Variants in GHR observed in about 807,000 individuals in gnomAD.
GHR encodes growth hormone receptor.
GHR carries 35 observed loss-of-function variants against 67.1 expected under a neutral mutation model. The ratio of observed to expected loss-of-function variants is 0.52; its 90% CI spans 0.40 to 0.69. GHR has a LOEUF of 0.69. GHR is among the 30% of genes least tolerant of loss of function. GHR has a pLI of 0.00. For missense variants in GHR, 792 were observed against 764.6 expected (o/e 1.04, Z -0.42); for synonymous variants, 272 against 269.1 (o/e 1.01, Z -0.10).
At position 42,478,424 on chromosome 5, in the gene GHR, G is replaced by T. The variant is rs1288492448; in HGVS notation, c.-12+54469G>T. Among the ~76,000 whole-genome samples the T allele has an allele frequency of 2.0e-5, 3 of 152,218 alleles. No homozygotes were observed. In the East Asian group the frequency reaches 5.8e-4, roughly 29 times the overall value. The stretch of plus-strand genomic sequence containing the variant: ...AGTTTTTTCCAATTCTGTGAAGAAA[G>T]TCATTGGTAGCTTGATGGGGATGGC... On this transcript the variant is annotated intron_variant, in intron 1 of 9. Transcript: ENST00000230882.
At chr5:42,507,800 C>T (rs1408950303) in intron 1 of GHR, among the ~76,000 whole-genome samples, 1 of 152,172 alleles carries the variant, frequency 6.6e-6, no homozygotes, top group Non-Finnish European at 1.5e-5. Flanking sequence ...TCTGGAGAGA[C>T]ATAGGCTAGG....
chr5:42,604,465 T>C (rs888705223), intron 2 of GHR, among the ~76,000 whole-genome samples: 1 of 152,076 alleles, frequency 6.6e-6, no homozygotes. Flanking sequence ...TCAGACAAAG[T>C]AGGTCAGAGA....
intron 2 of GHR, among the ~76,000 whole-genome samples, chr5:42,605,291 A>G (rs1256657869): frequency 2.0e-5 from 3 of 151,640 alleles, no homozygotes; most frequent in African/African-American, 7.3e-5. Flanking sequence ...TTTTTAGTAG[A>G]GATGGGGTTT....
chr5:42,480,522 A>G (rs1056487057), intron 1 of GHR, among the ~76,000 whole-genome samples: 2 of 152,198 alleles, frequency 1.3e-5, no homozygotes, highest in African/African-American at 4.8e-5. Flanking sequence ...GTGGGAGTCT[A>G]AGTCTCTTAG....
At chr5:42,467,129 A>G in intron 1 of GHR, 1 of 1,598,812 alleles carries the variant, frequency 6.3e-7, no homozygotes, top group Non-Finnish European at 8.6e-7. Flanking sequence ...CATTCATTAC[A>G]CACAAAAGGA....
chr5:42,558,522 G>T (rs1749432361), intron 1 of GHR, among the ~76,000 whole-genome samples: 2 of 152,170 alleles, frequency 1.3e-5, no homozygotes, highest in East Asian at 1.9e-4. Flanking sequence ...ACTTTTCAAT[G>T]ATGGACTGGT....
intron 4 of GHR, among the ~76,000 whole-genome samples, chr5:42,692,999 C>G (rs1757489527): frequency 6.6e-6 from 1 of 152,010 alleles, no homozygotes; most frequent in South Asian, 2.1e-4. Context: ...CCCACCTATT[C>G]CTAATTTTTT....
intron 2 of GHR, among the ~76,000 whole-genome samples, chr5:42,583,532 A>G (rs541607514): frequency 6.6e-6 from 1 of 152,330 alleles, no homozygotes; most frequent in Admixed American, 6.5e-5. Context: ...TGGCCAGTTC[A>G]CACAAGTCAG....
At chr5:42,480,586 A>G (rs369477700) in intron 1 of GHR, among the ~76,000 whole-genome samples, 3 of 152,174 alleles carry the variant, frequency 2.0e-5, no homozygotes, top group South Asian at 2.1e-4. Flanking sequence ...TTAGGTGCAT[A>G]TATATTTAGG....
chr5:42,531,990 T>C (rs1468833002), intron 1 of GHR, among the ~76,000 whole-genome samples: 2 of 152,108 alleles, frequency 1.3e-5, no homozygotes, highest in East Asian at 3.9e-4. Context: ...AGCTTTTTTT[T>C]TTTTTGGCAT....
intron 2 of GHR, among the ~76,000 whole-genome samples, chr5:42,617,908 T>C (rs888469875): frequency 9.2e-5 from 14 of 152,172 alleles, no homozygotes; most frequent in African/African-American, 3.4e-4. Context: ...ATGAAACTTT[T>C]CTTTTTCATA....
chr5:42,671,259 A>C, intron 3 of GHR, among the ~76,000 whole-genome samples: 1 of 152,234 alleles, frequency 6.6e-6, no homozygotes, highest in Non-Finnish European at 1.5e-5. Flanking sequence ...AGAAGGTGAA[A>C]CAGGAACAGG....
At chr5:42,660,010 C>G (rs1755492335) in intron 3 of GHR, among the ~76,000 whole-genome samples, 1 of 152,172 alleles carries the variant, frequency 6.6e-6, no homozygotes. Context: ...TGATTGCTAG[C>G]ACAGCAGTCT....
chr5:42,678,098 A>C (rs562040628), intron 3 of GHR, among the ~76,000 whole-genome samples: 1 of 152,250 alleles, frequency 6.6e-6, no homozygotes, highest in South Asian at 2.1e-4. Flanking sequence ...CTTTACAATA[A>C]CCCTGTGACA....
At chr5:42,432,724 G>C (rs1466613535) in intron 1 of GHR, among the ~76,000 whole-genome samples, 3 of 152,166 alleles carry the variant, frequency 2.0e-5, no homozygotes, top group South Asian at 2.1e-4. Context: ...TAAAGGAAAG[G>C]CATCATTTTT....
intron 4 of GHR, among the ~76,000 whole-genome samples, chr5:42,692,435 G>A (rs995806476): frequency 6.6e-6 from 1 of 152,108 alleles, no homozygotes; most frequent in African/African-American, 2.4e-5. Flanking sequence ...GTCATCTGTA[G>A]AGACATTCAA....
chr5:42,536,787 C>T (rs1014486483), intron 1 of GHR, among the ~76,000 whole-genome samples: 2 of 152,100 alleles, frequency 1.3e-5, no homozygotes, highest in African/African-American at 2.4e-5. Flanking sequence ...GTGAATCCAT[C>T]TGGTCCTGGG....
In GHR at chr5:42,591,138, A is replaced by G. The variant is rs894213103; in HGVS notation, c.70+25194A>G. Among the ~76,000 whole-genome samples the G allele has an allele frequency of 3.3e-5, 5 of 152,224 alleles. 1 individual carries two copies. Among genetic ancestry groups the G allele is most frequent in the Admixed American group, 1.3e-4 (2 of 15,278 alleles). On this transcript the variant is annotated intron_variant, in intron 2 of 9. Transcript: ENST00000230882. ...AGCCCTGATTAAAAAGAACACAGGG[A>G]ACCCTGCAAGTTTAAGCGGTTTTGG...
At chr5:42,693,793 G>C (rs1046654996) in intron 4 of GHR, among the ~76,000 whole-genome samples, 1 of 152,032 alleles carries the variant, frequency 6.6e-6, no homozygotes, top group Non-Finnish European at 1.5e-5. Context: ...GCCTGCACAG[G>C]GCCATTCCTA....
Sources: gnomAD v4.1 joint callset for allele counts (sites outside exome capture counted in the v4.1 genomes callset) on GRCh38, gnomAD v4.1.1 for gene constraint, MANE v1.5 for transcripts, NCBI Gene and HGNC (gene_info 2026-07-23, HGNC 2026-07-21) for gene names.